The following PLCXD3 variants were observed in gnomAD, a reference collection of about 807,000 sequenced individuals.
PLCXD3 encodes PI-PLC X domain-containing protein 3.
In PLCXD3, 19 loss-of-function variants were observed where a neutral mutation model predicts 25.5. The ratio of observed to expected loss-of-function variants is 0.75; its 90% CI spans 0.52 to 1.09. The LOEUF (loss-of-function observed/expected upper bound fraction) is 1.09. PLCXD3 is among the 50% of genes least tolerant of loss of function. The probability of loss-of-function intolerance (pLI) is 0.00; values close to 1 mark genes in which losing one functional copy is unlikely to be tolerated. For missense variants in PLCXD3, 411 were observed against 388.1 expected (o/e 1.06, Z -0.50); for synonymous variants, 174 against 137.6 (o/e 1.26, Z -1.85).
chr5:41,339,962 G>A (rs1312943299), intron 2 of PLCXD3, among the ~76,000 whole-genome samples: 1 of 152,184 alleles, frequency 6.6e-6, no homozygotes, highest in African/African-American at 2.4e-5. Flanking sequence ...TCGCCATAGA[G>A]AGGGCCAGAG....
At chr5:41,492,863 C>G (rs1198799031) in intron 1 of PLCXD3, among the ~76,000 whole-genome samples, 2 of 152,148 alleles carry the variant, frequency 1.3e-5, no homozygotes, top group Non-Finnish European at 2.9e-5. Flanking sequence ...AACTTCTTTG[C>G]CTTTGGTTTG....
intron 1 of PLCXD3, among the ~76,000 whole-genome samples, chr5:41,441,586 G>A (rs538021922): frequency 1.3e-5 from 2 of 152,196 alleles, no homozygotes; most frequent in East Asian, 3.9e-4. Flanking sequence ...ATCTGCATTT[G>A]CCCACACGAG....
intron 2 of PLCXD3, among the ~76,000 whole-genome samples, chr5:41,330,427 C>T (rs1743761938): frequency 6.6e-6 from 1 of 152,148 alleles, no homozygotes; most frequent in Non-Finnish European, 1.5e-5. Context: ...AGAACAATAA[C>T]AGGATCTGAA....
At chr5:41,374,649 G>A (rs565025345) in intron 2 of PLCXD3, among the ~76,000 whole-genome samples, 2 of 152,026 alleles carry the variant, frequency 1.3e-5, no homozygotes, top group Non-Finnish European at 2.9e-5. Flanking sequence ...TGAATCTTAT[G>A]GTGAAAGCTT....
At chr5:41,380,248 C>T (rs1386584104) in intron 2 of PLCXD3, among the ~76,000 whole-genome samples, 1 of 152,062 alleles carries the variant, frequency 6.6e-6, no homozygotes, top group Non-Finnish European at 1.5e-5. Flanking sequence ...CATTACCTGT[C>T]CTGCTTATCC....
intron 2 of PLCXD3, among the ~76,000 whole-genome samples, chr5:41,339,912 C>T (rs1744089717): frequency 6.6e-6 from 1 of 152,084 alleles, no homozygotes; most frequent in African/African-American, 2.4e-5. Context: ...TTAAAAGTTA[C>T]TTACAGGATT....
At chr5:41,366,813 C>T (rs1196835802) in intron 2 of PLCXD3, among the ~76,000 whole-genome samples, 1 of 152,118 alleles carries the variant, frequency 6.6e-6, no homozygotes, top group East Asian at 1.9e-4. Context: ...CTCCCGTGCC[C>T]CAGTGTGTGT....
chr5:41,314,567 A>G (rs1400674043), intron 2 of PLCXD3, among the ~76,000 whole-genome samples: 1 of 152,358 alleles, frequency 6.6e-6, no homozygotes, highest in East Asian at 1.9e-4. Context: ...GGGTGGCTTA[A>G]TAGGCCTCAG....
chr5:41,425,788 G>A lies in PLCXD3; in HGVS notation c.104-43254C>T, dbSNP rs79081990. On this transcript the variant is annotated intron_variant, in intron 1 of 2. Transcript: ENST00000377801. Reference sequence around the variant, plus strand: ...TAGTAATATGCATCTAAGTTTCTTCGATGTGTTTTCATAGCTTGATAGCTC... The same window carrying A: ...TAGTAATATGCATCTAAGTTTCTTCAATGTGTTTTCATAGCTTGATAGCTC... 3.6e-4 allele frequency among the ~76,000 whole-genome samples: 55 copies of A among 152,184 alleles called. No individual in the cohort carries two copies. The East Asian group carries it at 6.2e-3, about 17-fold the overall frequency.
At chr5:41,413,519 G>A (rs1360244711) in intron 1 of PLCXD3, among the ~76,000 whole-genome samples, 1 of 152,134 alleles carries the variant, frequency 6.6e-6, no homozygotes, top group Non-Finnish European at 1.5e-5. Context: ...CAAAAAAATG[G>A]TCCTTGCCTT....
At chr5:41,474,515 A>G (rs758324134) in intron 1 of PLCXD3, among the ~76,000 whole-genome samples, 1 of 152,210 alleles carries the variant, frequency 6.6e-6, no homozygotes, top group Non-Finnish European at 1.5e-5. Flanking sequence ...TGAGAAAGGC[A>G]ATTGAAAAAT....
At chr5:41,481,262 T>C (rs1405818264) in intron 1 of PLCXD3, among the ~76,000 whole-genome samples, 1 of 152,116 alleles carries the variant, frequency 6.6e-6, no homozygotes, top group Admixed American at 6.5e-5. Flanking sequence ...CTATACAGAG[T>C]TGTTATAAGT....
rs762399269 is a variant in PLCXD3, at chr5:41,313,638, A to G, written c.945T>C (p.Asp315=). The G allele has an allele frequency of 1.5e-5, 24 of 1,613,842 alleles. No individual in the cohort carries two copies. Among genetic ancestry groups the G allele is most frequent in the Middle Eastern group, 1.7e-4 (1 of 6,060 alleles). Residue 315 remains aspartate (D), a synonymous_variant, in exon 3 of 3, where the codon GAT becomes GAC. Coordinates refer to ENST00000377801, the MANE Select transcript of PLCXD3 (RefSeq NM_001005473.3). ...GCTATCAAGTGTTGGCTTCTCCTTC[A>G]TCAAAGACATAGTTGAGCTTTATGA... is the stretch of plus-strand genomic sequence containing the variant. The part of the protein sequence containing the change: ...STVIKLNYVF[D]EGEANT
chr5:41,314,959 G>T (rs1481520635), intron 2 of PLCXD3, among the ~76,000 whole-genome samples: 1 of 152,150 alleles, frequency 6.6e-6, no homozygotes, highest in African/African-American at 2.4e-5. Flanking sequence ...AAGAATGCTT[G>T]CTAAAATAAA....
chr5:41,475,706 G>C (rs200041516), intron 1 of PLCXD3: 3 of 534,602 alleles, frequency 5.6e-6, no homozygotes, highest in Non-Finnish European at 1.2e-5. Flanking sequence ...CCATCACTAC[G>C]ACAGTTACTA....
intron 1 of PLCXD3, among the ~76,000 whole-genome samples, chr5:41,478,178 T>A (rs1379558396): frequency 6.6e-6 from 1 of 152,224 alleles, no homozygotes; most frequent in Non-Finnish European, 1.5e-5. Flanking sequence ...GATGATGGTA[T>A]CTGTTACCAA....
In PLCXD3 at chr5:41,309,235, C is replaced by A. The variant is rs536550239; in HGVS notation, c.*4382G>T. On this transcript the variant is annotated 3_prime_UTR_variant, in exon 3 of 3. Coordinates refer to ENST00000377801, the MANE Select transcript of PLCXD3 (RefSeq NM_001005473.3). ...ACAATTACACAATTTTCAACAGATT[C>A]AATTGACATGTTTTACAAATTCTAC... 1 of 152,628 alleles carries A rather than the reference C, an allele frequency of 6.6e-6. No individual in the cohort carries two copies. Among genetic ancestry groups the A allele is most frequent in the Non-Finnish European group, 1.5e-5 (1 of 67,990 alleles). 9.5% of individuals were successfully genotyped at this position (152,628 alleles called of 1,614,324 possible).
chr5:41,490,313 G>C (rs975445537), intron 1 of PLCXD3, among the ~76,000 whole-genome samples: 1 of 152,190 alleles, frequency 6.6e-6, no homozygotes, highest in East Asian at 1.9e-4. Context: ...TAAGCTTTTT[G>C]ACATGCTGCT....
At chr5:41,486,390 T>C (rs148279664) in intron 1 of PLCXD3, among the ~76,000 whole-genome samples, 7 of 152,100 alleles carry the variant, frequency 4.6e-5, no homozygotes, top group African/African-American at 1.7e-4. Flanking sequence ...AATGGGAAGA[T>C]TCTATCACTC....
Sources: gnomAD v4.1 joint callset for allele counts (sites outside exome capture counted in the v4.1 genomes callset) on GRCh38, gnomAD v4.1.1 for gene constraint, MANE v1.5 for transcripts, NCBI Gene and HGNC (gene_info 2026-07-23, HGNC 2026-07-21) for gene names.